The following TRAM1 variants were observed in gnomAD, a reference collection of about 807,000 sequenced individuals.
TRAM1 encodes translocating chain-associated membrane protein 1.
TRAM1 carries 17 observed loss-of-function variants against 48.7 expected under a neutral mutation model. The observed-to-expected ratio is 0.35, with a 90% CI of 0.24 to 0.52. TRAM1 has a LOEUF of 0.52. TRAM1 is among the 20% of genes least tolerant of loss of function. The pLI, the probability that TRAM1 is intolerant of heterozygous loss-of-function variation, is 0.94. For synonymous variants in TRAM1, 182 were observed against 154.0 expected, an observed-to-expected ratio of 1.18 and a Z score of -1.34; for missense variants, 351 against 441.5, an observed-to-expected ratio of 0.79 and a Z score of 1.84.
chr8:70,600,457 GT>G (rs1479834271), intron 1 of TRAM1, among the ~76,000 whole-genome samples: 1 of 152,216 alleles, frequency 6.6e-6, no homozygotes, highest in Non-Finnish European at 1.5e-5. Context: ...GAGAAGCACA[GT>G]TAGCATGAGA....
In TRAM1 at chr8:70,596,362, C is replaced by A. The variant is rs564625602; in HGVS notation, c.427-41G>T. ...TAAAAATTAACCTGTGAGCATAATG[C>A]AAACTTCTTGGAAAATAAGGCATTA... On this transcript the variant is annotated intron_variant, in intron 4 of 10. Transcript: ENST00000262213. 6.1e-6 allele frequency: 9 copies of A among 1,467,692 alleles called. No individual in the cohort carries two copies. The African/African-American group carries it at 1.0e-4, about 16-fold the overall frequency. The allele number at this position is 1,467,692 out of a possible 1,614,324, so 90.9% of individuals were successfully genotyped here.
At chr8:70,597,668 C>CAAAAAAAAAAAAAAAAA (rs35449323) in intron 4 of TRAM1, among the ~76,000 whole-genome samples, 1 of 36,008 alleles carries the variant, frequency 2.8e-5, no homozygotes, top group African/African-American at 1.2e-4. Context: ...GACTCTGTCT[C>CAAAAAAAAAAAAAAAAA]AAAAAAAAAA....
Position 70,608,348 on chromosome 8 carries a change from T to C in TRAM1, c.-149A>G. ...GCTTCACTTCCCATCCCACAGCCAG[T>C]ACGCAGCCGCCGGGCCGCCCGGGGG... On this transcript the variant is annotated 5_prime_UTR_variant, in exon 1 of 11. Transcript: ENST00000262213. 2.1e-6 allele frequency: 2 copies of C among 972,256 alleles called. No homozygotes were observed. The highest frequency in any genetic ancestry group is 4.5e-5 in the South Asian group (2 of 44,582). The allele number at this position is 972,256 out of a possible 1,614,324, so 60.2% of individuals were successfully genotyped here. A position where few individuals can be genotyped will look rare whatever the true frequency, so the allele number is the denominator to read the frequency against.
intron 10 of TRAM1, among the ~76,000 whole-genome samples, chr8:70,579,410 A>G (rs1457390833): frequency 1.3e-5 from 2 of 152,238 alleles, no homozygotes; most frequent in Non-Finnish European, 2.9e-5. Context: ...TATGTTGTAC[A>G]GCTGTTGACT....
chr8:70,607,386 C>A (rs1817762283), intron 1 of TRAM1: 2 of 985,306 alleles, frequency 2.0e-6, no homozygotes, highest in Non-Finnish European at 2.4e-6. Flanking sequence ...AGCGTCAGGG[C>A]AAAAAGTTCG....
Position 70,583,741 on chromosome 8 carries a change from G to C in TRAM1, c.799C>G (p.Leu267Val). The C allele has an allele frequency of 6.2e-7, 1 of 1,602,218 alleles. No homozygotes were observed. The part of the protein sequence containing the change: ...FVLGRLLTLI[L>V]SVLTVGFGLA... ...CCAAAACCAACAGTCAGTACTGAAA[G>C]AATTAAAGTCAGAAGTCTTCCCAAA... Residue 267 changes from leucine (L) to valine (V), a missense_variant, in exon 9 of 11, where the codon CTT becomes GTT. Coordinates refer to ENST00000262213, the MANE Select transcript of TRAM1 (RefSeq NM_014294.6).
At chr8:70,596,571 T>C (rs551153445) in intron 4 of TRAM1, among the ~76,000 whole-genome samples, 1 of 152,214 alleles carries the variant, frequency 6.6e-6, no homozygotes, top group East Asian at 1.9e-4. Flanking sequence ...CTAAAAAATC[T>C]TTCAATCCCA....
chr8:70,580,399 A>G (rs141702956), intron 10 of TRAM1, among the ~76,000 whole-genome samples: 31 of 152,340 alleles, frequency 2.0e-4, no homozygotes, highest in African/African-American at 7.5e-4. Flanking sequence ...TTGGTTTAAC[A>G]TCTGAAAATC....
At chr8:70,594,682 A>T in intron 5 of TRAM1, 92 bp from the exon 6 acceptor site, 1 of 977,696 alleles carries the variant, frequency 1.0e-6, no homozygotes, top group South Asian at 1.8e-5. Flanking sequence ...TATACTAAGT[A>T]ACTACCTTTG....
intron 8 of TRAM1, 49 bp from the exon 9 acceptor site, chr8:70,583,842 A>G: frequency 6.6e-7 from 1 of 1,515,282 alleles, no homozygotes; most frequent in Non-Finnish European, 8.8e-7. Context: ...CAAAAACAAG[A>G]TTCTATTAGA....
rs140051479 is a variant in TRAM1, at chr8:70,589,665, C to T, written c.571-2489G>A. Reference sequence around the variant, plus strand: ...CCAGCCTTGGCAACATGGCGAAACCCCATCTCTAAAAAAATACAAAAAATT... The same window carrying T: ...CCAGCCTTGGCAACATGGCGAAACCTCATCTCTAAAAAAATACAAAAAATT... On this transcript the variant is annotated intron_variant, in intron 6 of 10. Transcript: ENST00000262213. Among the ~76,000 whole-genome samples the T allele has an allele frequency of 5.9e-5, 9 of 152,170 alleles. No individual in the cohort carries two copies. The East Asian group carries it at 1.7e-3, about 29-fold the overall frequency.
intron 1 of TRAM1, among the ~76,000 whole-genome samples, chr8:70,606,539 G>C (rs1297099400): frequency 6.6e-6 from 1 of 152,078 alleles, no homozygotes; most frequent in Non-Finnish European, 1.5e-5. Flanking sequence ...TCTGATACTT[G>C]CAAAAAATGG....
At chr8:70,596,765 C>T (rs1054729918) in intron 4 of TRAM1, among the ~76,000 whole-genome samples, 13 of 149,858 alleles carry the variant, frequency 8.7e-5, no homozygotes, top group Admixed American at 2.0e-4. Flanking sequence ...TAAAATACTG[C>T]CCCAATTTTT....
chr8:70,604,492 C>T (rs1364598953), intron 1 of TRAM1, among the ~76,000 whole-genome samples: 1 of 152,058 alleles, frequency 6.6e-6, no homozygotes. Context: ...AAGTTCCAGC[C>T]AAGGCAACAT....
At chr8:70,603,027 T>C (rs1314224632) in intron 1 of TRAM1, among the ~76,000 whole-genome samples, 2 of 152,082 alleles carry the variant, frequency 1.3e-5, no homozygotes, top group African/African-American at 4.8e-5. Flanking sequence ...ATACGGCCAG[T>C]AAAGTGAGTT....
At chr8:70,596,559 C>T (rs1034409502) in intron 4 of TRAM1, among the ~76,000 whole-genome samples, 1 of 151,920 alleles carries the variant, frequency 6.6e-6, no homozygotes, top group African/African-American at 2.4e-5. Context: ...TAATTCCTGG[C>T]CCTAAAAAAT....
intron 1 of TRAM1, chr8:70,607,407 A>G (rs1177237595): frequency 1.0e-6 from 1 of 985,376 alleles, no homozygotes; most frequent in Non-Finnish European, 1.2e-6. Context: ...TTAACTGGTA[A>G]TAATATCAGT....
At position 70,575,020 on chromosome 8, in the gene TRAM1, G is replaced by A; in HGVS notation, c.1052-15C>T. The stretch of plus-strand genomic sequence containing the variant: ...CACACCATTTTCTGCAAAAAGAAAA[G>A]AATCCATGTTACTCTCTTTTATAAA... On this transcript the variant is annotated splice_polypyrimidine_tract_variant and intron_variant, in intron 10 of 10. Transcript: ENST00000262213. 1 of 1,573,520 alleles carries A rather than the reference G, an allele frequency of 6.4e-7. No individual in the cohort carries two copies. Among genetic ancestry groups the A allele is most frequent in the Non-Finnish European group, 8.7e-7 (1 of 1,150,486 alleles).
chr8:70,579,761 G>A (rs1174916182), intron 10 of TRAM1, among the ~76,000 whole-genome samples: 2 of 152,088 alleles, frequency 1.3e-5, no homozygotes, highest in Non-Finnish European at 2.9e-5. Flanking sequence ...ATGAAATACC[G>A]AAAGGTCTCC....
Sources: gnomAD v4.1 joint callset for allele counts (sites outside exome capture counted in the v4.1 genomes callset) on GRCh38, gnomAD v4.1.1 for gene constraint, MANE v1.5 for transcripts, NCBI Gene and HGNC (gene_info 2026-07-23, HGNC 2026-07-21) for gene names.